RNF169: variants seen among roughly 807,000 people sequenced by gnomAD.
The protein encoded by RNF169 is E3 ubiquitin-protein ligase RNF169.
RNF169 carries 24 observed loss-of-function variants against 53.9 expected under a neutral mutation model. The observed-to-expected ratio is 0.45, with a 90% CI of 0.32 to 0.63. The LOEUF (loss-of-function observed/expected upper bound fraction) is 0.63. RNF169 is among the 20% of genes least tolerant of loss of function. The pLI is 0.04. For missense variants in RNF169, 883 were observed against 906.2 expected (o/e 0.97, Z 0.33); for synonymous variants, 396 against 363.5 (o/e 1.09, Z -1.02).
At chr11:74,763,796 G>GT (rs1404738606) in intron 1 of RNF169, among the ~76,000 whole-genome samples, 1 of 152,196 alleles carries the variant, frequency 6.6e-6, no homozygotes, top group East Asian at 1.9e-4. Flanking sequence ...TTTAGAATTA[G>GT]TAAAAAGTCC....
intron 3 of RNF169, among the ~76,000 whole-genome samples, chr11:74,815,885 T>C (rs542818249): frequency 7.2e-5 from 11 of 152,344 alleles, no homozygotes; most frequent in Admixed American, 6.5e-4. Context: ...ATTGCCATTA[T>C]TCCCTATTGA....
intron 1 of RNF169, among the ~76,000 whole-genome samples, chr11:74,787,629 C>G (rs2035522809): frequency 6.6e-6 from 1 of 152,078 alleles, no homozygotes; most frequent in South Asian, 2.1e-4. Flanking sequence ...CTGGGCAACA[C>G]TGTGAGACCT....
intron 4 of RNF169, among the ~76,000 whole-genome samples, chr11:74,821,155 C>T (rs1487820720): frequency 1.3e-5 from 2 of 152,170 alleles, no homozygotes; most frequent in African/African-American, 2.4e-5. Flanking sequence ...TTGAAATTAT[C>T]TATCTTTGCA....
intron 2 of RNF169, among the ~76,000 whole-genome samples, chr11:74,806,908 C>T (rs1387863575): frequency 6.6e-6 from 1 of 151,524 alleles, no homozygotes; most frequent in Non-Finnish European, 1.5e-5. Context: ...GTATACTTTT[C>T]TGTGTGTATA....
chr11:74,798,093 T>C (rs780373193), intron 2 of RNF169, among the ~76,000 whole-genome samples: 1 of 152,138 alleles, frequency 6.6e-6, no homozygotes, highest in Non-Finnish European at 1.5e-5. Flanking sequence ...AATAATTGCA[T>C]TAACTGCACA....
At chr11:74,833,587 T>C (rs2036210273) in intron 4 of RNF169, among the ~76,000 whole-genome samples, 1 of 152,318 alleles carries the variant, frequency 6.6e-6, no homozygotes, top group East Asian at 1.9e-4. Flanking sequence ...GTATTGTATT[T>C]ATTTGTCCAC....
chr11:74,817,891 T>C (rs1441774590), intron 4 of RNF169, among the ~76,000 whole-genome samples, 177 bp downstream of exon 4: 1 of 152,154 alleles, frequency 6.6e-6, no homozygotes, highest in Non-Finnish European at 1.5e-5. Flanking sequence ...ACCTGAATTT[T>C]TCAGGAAAAG....
intron 1 of RNF169, among the ~76,000 whole-genome samples, chr11:74,763,837 C>G (rs2035129122): frequency 6.6e-6 from 1 of 152,150 alleles, no homozygotes; most frequent in South Asian, 2.1e-4. Context: ...TCATGAGGCC[C>G]TAGCAAGAGG....
chr11:74,801,919 G>A (rs1049828343), intron 2 of RNF169, among the ~76,000 whole-genome samples: 4 of 152,154 alleles, frequency 2.6e-5, no homozygotes, highest in Non-Finnish European at 2.9e-5. Flanking sequence ...TTTGAGAACC[G>A]TTGGCCCAGA....
At chr11:74,774,689 T>G (rs555574038) in intron 1 of RNF169, among the ~76,000 whole-genome samples, 1 of 152,260 alleles carries the variant, frequency 6.6e-6, no homozygotes, top group Admixed American at 6.5e-5. Flanking sequence ...GTGTAGTGGC[T>G]CATGCCTGTA....
rs1435352803 is a variant in RNF169 at position 74,788,137 on chromosome 11, G to A, written c.503-1489G>A. ...ACCACCTTGGTAGGTAGAAAACTAG[G>A]CTTGGAAAATGGCATCCAGGATCAA... On this transcript the variant is annotated intron_variant, in intron 1 of 5. Transcript: ENST00000299563. Among the ~76,000 whole-genome samples, 8 of 152,024 alleles carry A rather than the reference G, an allele frequency of 5.3e-5. No individual in the cohort carries two copies. In the East Asian group the frequency reaches 1.5e-3, roughly 29 times the overall value.
intron 1 of RNF169, among the ~76,000 whole-genome samples, chr11:74,785,253 A>T (rs1288579248): frequency 1.3e-5 from 1 of 79,880 alleles, no homozygotes; most frequent in African/African-American, 7.3e-5. Context: ...TATATATGTT[A>T]GATATATATG....
chr11:74,785,964 CAG>C (rs1235438833), intron 1 of RNF169, among the ~76,000 whole-genome samples: 4 of 128,966 alleles, frequency 3.1e-5, no homozygotes, highest in Admixed American at 8.6e-5. Flanking sequence ...TTTTTTGAGA[CAG>C]AGTCTTGTTC....
At chr11:74,756,870 A>C (rs1025937743) in intron 1 of RNF169, among the ~76,000 whole-genome samples, 2 of 152,190 alleles carry the variant, frequency 1.3e-5, no homozygotes, top group South Asian at 2.1e-4. Context: ...TGAACTTTAG[A>C]GAGATCACTC....
chr11:74,805,081 A>G (rs1591417046), intron 2 of RNF169, among the ~76,000 whole-genome samples: 1 of 152,280 alleles, frequency 6.6e-6, no homozygotes, highest in East Asian at 1.9e-4. Flanking sequence ...ACAAAATGAC[A>G]TGAATGTCCA....
chr11:74,751,246 G>A lies in RNF169; in HGVS notation c.502+1864G>A, dbSNP rs182844662. Reference sequence around the variant, plus strand: ...ATTTCCATTTTATAGATGAAACTGAGGTCCAGAGAGGTTAACTAACTTGCC... The same window carrying A: ...ATTTCCATTTTATAGATGAAACTGAAGTCCAGAGAGGTTAACTAACTTGCC... On this transcript the variant is annotated intron_variant, in intron 1 of 5. Coordinates refer to ENST00000299563, the MANE Select transcript of RNF169 (RefSeq NM_001098638.2). Among the ~76,000 whole-genome samples the A allele has an allele frequency of 4.6e-5, 7 of 152,250 alleles. No individual in the cohort carries two copies. In the East Asian group the frequency reaches 1.2e-3, roughly 25 times the overall value.
At chr11:74,819,110 C>A (rs2035977115) in intron 4 of RNF169, among the ~76,000 whole-genome samples, 1 of 151,456 alleles carries the variant, frequency 6.6e-6, no homozygotes, top group African/African-American at 2.4e-5. Context: ...CCGGTAATGC[C>A]ATTTCATACA....
intron 1 of RNF169, among the ~76,000 whole-genome samples, chr11:74,777,551 T>C (rs551171656): frequency 6.6e-6 from 1 of 152,306 alleles, no homozygotes; most frequent in East Asian, 1.9e-4. Context: ...CAACAAAGCC[T>C]TGTTGTTGGG....
At chr11:74,783,771 GAC>G (rs2035450623) in intron 1 of RNF169, among the ~76,000 whole-genome samples, 1 of 152,152 alleles carries the variant, frequency 6.6e-6, no homozygotes, top group Non-Finnish European at 1.5e-5. Flanking sequence ...GGAGGAAGCT[GAC>G]ATGTGACCCC....
Sources: gnomAD v4.1 joint callset for allele counts (sites outside exome capture counted in the v4.1 genomes callset) on GRCh38, gnomAD v4.1.1 for gene constraint, MANE v1.5 for transcripts, NCBI Gene and HGNC (gene_info 2026-07-23, HGNC 2026-07-21) for gene names.